Variants in ATP2A3 observed in about 807,000 individuals in gnomAD.
ATP2A3 encodes sarcoplasmic/endoplasmic reticulum calcium ATPase 3.
ATP2A3 carries 61 observed loss-of-function variants against 106.8 expected under a neutral mutation model. The observed-to-expected ratio is 0.57, with a 90% confidence interval of 0.46 to 0.71. ATP2A3 has a LOEUF of 0.71. ATP2A3 is among the 30% of genes least tolerant of loss of function. ATP2A3 has a pLI of 0.00. For synonymous variants in ATP2A3, 611 were observed against 609.3 expected (o/e 1.00, Z -0.04); for missense variants, 1,201 against 1,423.5 (o/e 0.84, Z 2.52).
intron 7 of ATP2A3, among the ~76,000 whole-genome samples, chr17:3,948,440 A>G (rs186703486): frequency 2.6e-5 from 4 of 152,134 alleles, no homozygotes; most frequent in African/African-American, 9.7e-5. Flanking sequence ...CTTCAAATGC[A>G]TATGCTGTTG....
At chr17:3,949,953 G>A (rs1338514632) in intron 7 of ATP2A3, among the ~76,000 whole-genome samples, 2 of 151,856 alleles carry the variant, frequency 1.3e-5, no homozygotes, top group African/African-American at 4.8e-5. Context: ...CTTGAGGTCA[G>A]GAGTTCGAGA....
chr17:3,930,843 A>T lies in ATP2A3; in HGVS notation c.2611-409T>A. 1.2e-5 allele frequency: 4 copies of T among 336,192 alleles called. No individual in the cohort carries two copies. The highest frequency in any genetic ancestry group is 9.7e-5 in the South Asian group (4 of 41,324). The allele number at this position is 336,192 out of a possible 1,614,324, so 20.8% of individuals were successfully genotyped here. A position where few individuals can be genotyped will look rare whatever the true frequency, so the allele number is the denominator to read the frequency against. On this transcript the variant is annotated intron_variant, in intron 17 of 20. Transcript: ENST00000397041. This position sits in a 1 kb window ranked among gnomAD's most constrained non-coding sequence, Gnocchi z 5.4. ...GATGAAGGCTACGCAGGCCCTGTTCACTGTTATTAAGATTCCATTTACAGC... is the reference window on the plus strand; with the variant it reads ...GATGAAGGCTACGCAGGCCCTGTTCTCTGTTATTAAGATTCCATTTACAGC...
chr17:3,941,952 CA>C (rs760745681), intron 12 of ATP2A3, among the ~76,000 whole-genome samples: 2 of 152,202 alleles, frequency 1.3e-5, no homozygotes, highest in Non-Finnish European at 2.9e-5. Context: ...GTTTTGCAGG[CA>C]GGGGTGAGAA....
At position 3,945,326 on chromosome 17, in the gene ATP2A3, C is replaced by A. The variant is rs1229560181; in HGVS notation, c.1096-178G>T. On this transcript the variant is annotated intron_variant, in intron 8 of 20. Coordinates refer to ENST00000397041, the MANE Select transcript of ATP2A3 (RefSeq NM_005173.4). ...GCAGGGTCCAGGCTGAGGCAGGGACCGTCTGCTCTGCCAGATGTGTCCGGC... is the reference window on the plus strand; with the variant it reads ...GCAGGGTCCAGGCTGAGGCAGGGACAGTCTGCTCTGCCAGATGTGTCCGGC... 23 of 546,654 alleles carry A rather than the reference C, an allele frequency of 4.2e-5. 1 individual carries two copies. Among genetic ancestry groups the A allele is most frequent in the Middle Eastern group, 5.1e-4 (1 of 1,980 alleles). 33.9% of individuals were successfully genotyped at this position (546,654 alleles called of 1,614,324 possible).
Position 3,951,283 on chromosome 17 carries a change from T to C in ATP2A3, c.431A>G (p.Asp144Gly). 6.2e-7 allele frequency: 1 copy of C among 1,613,666 alleles called. No individual in the cohort carries two copies. Among genetic ancestry groups the C allele is most frequent in the African/African-American group, 1.3e-5 (1 of 75,076 alleles). ...RKGVQRIRAR[D>G]IVPGDIVEVA... ...TTCTACAATGTCCCCTGGGACGATGTCCCGGGCACGGATCCTCTGCACGCC... is the reference window on the plus strand; with the variant it reads ...TTCTACAATGTCCCCTGGGACGATGCCCCGGGCACGGATCCTCTGCACGCC... Residue 144 changes from aspartate to glycine, a missense_variant, in exon 5 of 21, where the codon GAC (aspartate) becomes GGC (glycine). This residue lies in a region of ATP2A3 where 266 missense variants were observed against 246.8 expected (regional missense o/e 1.08). Transcript: ENST00000397041.
chr17:3,924,753 C>T lies in ATP2A3; in HGVS notation c.*669G>A, dbSNP rs1268842675. 2 of 456,678 alleles carry T rather than the reference C, an allele frequency of 4.4e-6. No homozygotes were observed. Among genetic ancestry groups the T allele is most frequent in the Non-Finnish European group, 8.8e-6 (2 of 226,958 alleles). 28.3% of individuals were successfully genotyped at this position (456,678 alleles called of 1,614,324 possible). A position where few individuals can be genotyped will look rare whatever the true frequency, so the allele number is the denominator to read the frequency against. ...GGAAAGGACATCCTCGCTCCGCCCT[C>T]CTGCCGGCTCCTTGTGTCCGTCTCT... On this transcript the variant is annotated 3_prime_UTR_variant, in exon 21 of 21. Coordinates refer to ENST00000397041, the MANE Select transcript of ATP2A3 (RefSeq NM_005173.4). This position sits in a 1 kb window ranked among gnomAD's most constrained non-coding sequence, Gnocchi z 6.4.
intron 20 of ATP2A3, chr17:3,927,354 A>C: frequency 1.0e-6 from 1 of 985,474 alleles, no homozygotes; most frequent in Non-Finnish European, 1.2e-6. Context: ...CTGAGCTCCT[A>C]GGCAGTTGTG....
chr17:3,945,678 C>T (rs543299266), intron 8 of ATP2A3, among the ~76,000 whole-genome samples: 4 of 152,342 alleles, frequency 2.6e-5, no homozygotes, highest in Admixed American at 1.3e-4. Flanking sequence ...GGTCACTCAG[C>T]CCCCACCTGT....
chr17:3,950,450 A>G, intron 7 of ATP2A3, 61 bp downstream of exon 7: 1 of 1,565,856 alleles, frequency 6.4e-7, no homozygotes, highest in Non-Finnish European at 8.8e-7. Flanking sequence ...AGGCGTGATC[A>G]TAATCCTAAT....
intron 20 of ATP2A3, chr17:3,927,611 A>G: frequency 3.0e-6 from 3 of 985,392 alleles, no homozygotes; most frequent in Non-Finnish European, 2.4e-6. Context: ...GTCACAGAGC[A>G]TTGGCCAGAA....
Position 3,935,528 on chromosome 17 carries a change from G to GT in ATP2A3, c.2525-252dup, listed in dbSNP as rs563927401. Among the ~76,000 whole-genome samples the GT allele has an allele frequency of 2.1e-3, 299 of 143,858 alleles. 1 individual carries two copies. Among genetic ancestry groups the GT allele is most frequent in the South Asian group, 0.013 (58 of 4,558 alleles). 94.4% of individuals were successfully genotyped at this position (143,858 alleles called of 152,430 possible). ...TATGTGGGCCAATGAGAACAGGCCT[G>GT]TTGAGACTTTTTTTTTTTTTTTTTT... is the stretch of plus-strand genomic sequence containing the variant. On this transcript the variant is annotated intron_variant, in intron 16 of 20. Coordinates refer to ENST00000397041, the MANE Select transcript of ATP2A3 (RefSeq NM_005173.4).
chr17:3,933,722 C>T (rs113299169), intron 17 of ATP2A3, among the ~76,000 whole-genome samples: 1 of 150,828 alleles, frequency 6.6e-6, no homozygotes, highest in Non-Finnish European at 1.5e-5. Context: ...GGTGACAGAG[C>T]GAGACTCCAT....
intron 7 of ATP2A3, among the ~76,000 whole-genome samples, chr17:3,949,093 A>C (rs2054273487): frequency 7.1e-6 from 1 of 141,276 alleles, no homozygotes; most frequent in East Asian, 2.1e-4. Context: ...GTGCCACTGC[A>C]CTCCAGCATG....
intron 16 of ATP2A3, among the ~76,000 whole-genome samples, chr17:3,935,949 A>G (rs144097831): frequency 6.6e-6 from 1 of 152,214 alleles, no homozygotes; most frequent in African/African-American, 2.4e-5. Context: ...TTATCATACT[A>G]CCGGGAGAGC....
At chr17:3,935,740 G>T (rs528088841) in intron 16 of ATP2A3, among the ~76,000 whole-genome samples, 4 of 151,994 alleles carry the variant, frequency 2.6e-5, no homozygotes, top group Non-Finnish European at 4.4e-5. Flanking sequence ...GTTTCACCAC[G>T]TTGGCCAGGC....
At chr17:3,939,939 A>C (rs1231975146) in intron 14 of ATP2A3, among the ~76,000 whole-genome samples, 2 of 151,096 alleles carry the variant, frequency 1.3e-5, no homozygotes, top group Non-Finnish European at 2.9e-5. Flanking sequence ...GAAAAAAAAA[A>C]CCGAAAACAG....
At chr17:3,935,437 C>G (rs911236331) in intron 16 of ATP2A3, among the ~76,000 whole-genome samples, 160 bp from the exon 17 acceptor site, 3 of 152,180 alleles carry the variant, frequency 2.0e-5, no homozygotes, top group Admixed American at 1.3e-4. Context: ...AGTGGTGGGC[C>G]CTGGCTGGTC....
chr17:3,951,380 C>T lies in ATP2A3; in HGVS notation c.334G>A (p.Ala112Thr), dbSNP rs771282704. Residue 112 changes from alanine (A) to threonine (T), a missense_variant, in exon 5 of 21, where the codon GCC becomes ACC. Physicochemically the swap from Ala to Thr is moderately conservative, Grantham distance 58. Around this residue, in one of 2 missense-constraint regions of ATP2A3, gnomAD observed 266 missense variants for 246.8 expected, o/e 1.08. Transcript: ENST00000397041. Reference sequence around the variant, plus strand: ...TTCAGGGCCTCGATGGCACTCTCGGCGTTGCGTTCCTGCAGAATAGAAGGC... The same window carrying T: ...TTCAGGGCCTCGATGGCACTCTCGGTGTTGCGTTCCTGCAGAATAGAAGGC... ...AIVGVWQERN[A>T]ESAIEALKEY... 5.0e-6 allele frequency: 8 copies of T among 1,613,744 alleles called. No individual in the cohort carries two copies. The highest frequency in any genetic ancestry group is 2.2e-5 in the East Asian group (1 of 44,856).
chr17:3,949,060 G>A (rs1287350173), intron 7 of ATP2A3, among the ~76,000 whole-genome samples: 7 of 150,460 alleles, frequency 4.7e-5, no homozygotes, highest in African/African-American at 7.4e-5. Flanking sequence ...CTCGGGAGGC[G>A]GAAGTTGCAG....
Sources: allele counts gnomAD v4.1 joint callset (sites outside exome capture counted in the v4.1 genomes callset), GRCh38; gene constraint gnomAD v4.1.1; regional missense constraint gnomAD v4.1.1; non-coding constraint Gnocchi (gnomAD v3.1); transcripts MANE v1.5; gene names NCBI Gene and HGNC (gene_info 2026-07-23, HGNC 2026-07-21).